The following RBFOX1 variants were observed in gnomAD, a reference collection of about 807,000 sequenced individuals.
The protein encoded by RBFOX1 is RNA binding fox-1 homolog 1, also known as RNA binding protein fox-1 homolog 1.
In RBFOX1, 8 loss-of-function variants were observed where a neutral mutation model predicts 57.7. That is an observed-to-expected ratio of 0.14 (90% CI 0.08 to 0.25). RBFOX1 has a LOEUF of 0.25. Ranked by LOEUF, RBFOX1 falls within the 10% of genes least tolerant of loss-of-function variation. The pLI is 1.00. For missense variants in RBFOX1, 611 were observed against 548.5 expected, an observed-to-expected ratio of 1.11 and a Z score of -1.14; for synonymous variants, 326 against 222.4, an observed-to-expected ratio of 1.47 and a Z score of -4.15.
intron 3 of RBFOX1, among the ~76,000 whole-genome samples, chr16:6,835,748 T>C (rs977651438): frequency 2.1e-5 from 2 of 97,080 alleles, no homozygotes; most frequent in East Asian, 3.2e-4. Context: ...AGTAAGACTC[T>C]GCTTAAAAAA....
chr16:7,378,452 T>C (rs1284329605), intron 4 of RBFOX1, among the ~76,000 whole-genome samples: 1 of 152,156 alleles, frequency 6.6e-6, no homozygotes, highest in Non-Finnish European at 1.5e-5. Context: ...ATCGCAGAAC[T>C]GCTGTCTTCC....
intron 2 of RBFOX1, among the ~76,000 whole-genome samples, chr16:6,362,237 C>G (rs1267453368): frequency 6.6e-6 from 1 of 151,054 alleles, no homozygotes; most frequent in Non-Finnish European, 1.5e-5. Flanking sequence ...CATATCACAT[C>G]TATTTGTGAA....
chr16:6,934,768 G>A (rs963491195), intron 3 of RBFOX1, among the ~76,000 whole-genome samples: 2 of 152,056 alleles, frequency 1.3e-5, no homozygotes, highest in Non-Finnish European at 2.9e-5. Context: ...GAGGGAAAGG[G>A]GCCACGCTTT....
At chr16:6,900,843 T>A (rs1451908167) in intron 3 of RBFOX1, among the ~76,000 whole-genome samples, 1 of 152,218 alleles carries the variant, frequency 6.6e-6, no homozygotes, top group African/African-American at 2.4e-5. Context: ...GTTGAGTGTT[T>A]GTCTTTGTGT....
chr16:7,053,802 C>G (rs886664431), intron 4 of RBFOX1, among the ~76,000 whole-genome samples: 1 of 152,070 alleles, frequency 6.6e-6, no homozygotes, highest in Non-Finnish European at 1.5e-5. Flanking sequence ...CTCCAATAGC[C>G]CCATCTCTAA....
chr16:7,591,461 A>G (rs1009617165), intron 7 of RBFOX1, among the ~76,000 whole-genome samples: 2 of 152,184 alleles, frequency 1.3e-5, no homozygotes, highest in African/African-American at 4.8e-5. Flanking sequence ...AAAAATACAA[A>G]AGATGAAAAA....
At chr16:5,628,718 G>C (rs1201798409) in intron 3 of RBFOX1, among the ~76,000 whole-genome samples, 2 of 152,196 alleles carry the variant, frequency 1.3e-5, no homozygotes, top group South Asian at 4.1e-4. Context: ...GGTTGACATA[G>C]CAGTCTCTTG....
intron 4 of RBFOX1, among the ~76,000 whole-genome samples, chr16:7,210,450 T>C (rs912262803): frequency 2.6e-5 from 4 of 151,974 alleles, no homozygotes; most frequent in Admixed American, 2.6e-4. Context: ...CCAAGATTTC[T>C]TAAGACAATC....
At chr16:5,555,388 C>G (rs549457868) in intron 2 of RBFOX1, among the ~76,000 whole-genome samples, 1 of 152,078 alleles carries the variant, frequency 6.6e-6, no homozygotes, top group Non-Finnish European at 1.5e-5. Context: ...GTAGCTGGGA[C>G]TACAGGCATG....
chr16:6,481,033 T>A (rs931480522), intron 2 of RBFOX1, among the ~76,000 whole-genome samples: 9 of 152,222 alleles, frequency 5.9e-5, no homozygotes, highest in African/African-American at 2.2e-4. Context: ...TGCATGTTTT[T>A]TAGGACAGAC....
chr16:6,084,620 G>GA (rs5815281), intron 1 of RBFOX1, among the ~76,000 whole-genome samples: 6,888 of 150,372 alleles, frequency 0.046, 395 homozygotes, highest in African/African-American at 0.14. Flanking sequence ...AGTTTAGAAA[G>GA]AAAAAAAAAC....
chr16:5,776,972 C>A (rs1034447872), intron 3 of RBFOX1, among the ~76,000 whole-genome samples: 1 of 152,132 alleles, frequency 6.6e-6, no homozygotes, highest in Non-Finnish European at 1.5e-5. Context: ...TTAAATTTAT[C>A]TTAATTTAAG....
chr16:5,937,380 T>G (rs1267753359), intron 4 of RBFOX1, among the ~76,000 whole-genome samples: 1 of 152,160 alleles, frequency 6.6e-6, no homozygotes, highest in African/African-American at 2.4e-5. Context: ...AATGCCATGG[T>G]TTACATTCTA....
chr16:5,566,131 T>C (rs758385144), intron 2 of RBFOX1, among the ~76,000 whole-genome samples: 48 of 152,180 alleles, frequency 3.2e-4, no homozygotes, highest in Non-Finnish European at 6.0e-4. Context: ...AAACCTTTTT[T>C]TCTTTATAAT....
chr16:6,740,047 T>C (rs886358223), intron 3 of RBFOX1, among the ~76,000 whole-genome samples: 3 of 152,122 alleles, frequency 2.0e-5, no homozygotes, highest in Admixed American at 6.6e-5. Context: ...AATCTAACAA[T>C]ATATAAAAAG....
At chr16:6,011,477 G>A (rs2094960921) in intron 4 of RBFOX1, among the ~76,000 whole-genome samples, 1 of 152,018 alleles carries the variant, frequency 6.6e-6, no homozygotes, top group Non-Finnish European at 1.5e-5. Flanking sequence ...AAGTTTGTAA[G>A]CTTTGAAAAT....
At chr16:6,398,217 T>C (rs564967585) in intron 2 of RBFOX1, among the ~76,000 whole-genome samples, 1 of 152,246 alleles carries the variant, frequency 6.6e-6, no homozygotes, top group South Asian at 2.1e-4. Context: ...GTTCAATTAC[T>C]TCCCACCGGG....
At chr16:5,617,210 T>G (rs1263676878) in intron 3 of RBFOX1, among the ~76,000 whole-genome samples, 1 of 152,178 alleles carries the variant, frequency 6.6e-6, no homozygotes, top group Non-Finnish European at 1.5e-5. Context: ...ACTTCCGACT[T>G]TGACCCCAGA....
At chr16:6,580,901 G>C (rs1014441204) in intron 2 of RBFOX1, among the ~76,000 whole-genome samples, 48 of 105,392 alleles carry the variant, frequency 4.6e-4, no homozygotes, top group African/African-American at 9.7e-4. Context: ...TATCTCATTT[G>C]GGCTTGCTTT....
Sources: allele counts gnomAD v4.1 joint callset (sites outside exome capture counted in the v4.1 genomes callset), GRCh38; gene constraint gnomAD v4.1.1; transcripts MANE v1.5; gene names NCBI Gene and HGNC (gene_info 2026-07-23, HGNC 2026-07-21).